Variants in TAF4B observed in about 807,000 individuals in gnomAD.
TAF4B encodes the protein TATA-box binding protein associated factor 4b, also known as transcription initiation factor TFIID subunit 4B.
TAF4B carries 38 observed loss-of-function variants against 86.4 expected under a neutral mutation model. That is an observed-to-expected ratio of 0.44 (90% CI 0.34 to 0.58). The LOEUF is 0.58. Among genes scored for constraint, TAF4B ranks in the 20% least tolerant of loss-of-function variants. The probability of loss-of-function intolerance (pLI) is 0.02; values close to 1 mark genes in which losing one functional copy is unlikely to be tolerated. For missense variants in TAF4B, 988 were observed against 1,027.6 expected, an observed-to-expected ratio of 0.96 and a Z score of 0.53; for synonymous variants, 388 against 391.2, an observed-to-expected ratio of 0.99 and a Z score of 0.10.
intron 14 of TAF4B, among the ~76,000 whole-genome samples, chr18:26,368,431 G>A (rs976492852): frequency 2.0e-5 from 3 of 152,182 alleles, no homozygotes; most frequent in African/African-American, 7.2e-5. Context: ...CTGAAAAGGT[G>A]CATAAGTAAT....
intron 9 of TAF4B, among the ~76,000 whole-genome samples, chr18:26,301,403 C>T (rs2056732362): frequency 1.3e-5 from 2 of 151,988 alleles, no homozygotes; most frequent in Admixed American, 1.3e-4. Flanking sequence ...GCTCCTGCCT[C>T]AGCCTCCCAA....
intron 9 of TAF4B, among the ~76,000 whole-genome samples, chr18:26,310,654 CATTT>C (rs1336412033): frequency 2.6e-5 from 4 of 152,108 alleles, no homozygotes; most frequent in Non-Finnish European, 5.9e-5. Flanking sequence ...TTTAAAAACT[CATTT>C]ATTTGAGTAG....
intron 14 of TAF4B, among the ~76,000 whole-genome samples, chr18:26,376,187 T>C (rs1314151270): frequency 6.6e-6 from 1 of 151,576 alleles, no homozygotes; most frequent in African/African-American, 2.4e-5. Context: ...GTCCTTTATA[T>C]TTTCATGCGT....
At chr18:26,384,039 A>G (rs1405158947) in intron 14 of TAF4B, among the ~76,000 whole-genome samples, 1 of 152,102 alleles carries the variant, frequency 6.6e-6, no homozygotes, top group East Asian at 1.9e-4. Flanking sequence ...GACTTAGAAG[A>G]TGTTCAGTTT....
chr18:26,267,008 A>G (rs144592793), intron 2 of TAF4B: 1 of 152,280 alleles, frequency 6.6e-6, no homozygotes, highest in African/African-American at 2.4e-5. Flanking sequence ...TTTTATAATA[A>G]TCATTCTCTG....
chr18:26,366,752 A>G (rs2057374191), intron 14 of TAF4B, among the ~76,000 whole-genome samples: 1 of 152,104 alleles, frequency 6.6e-6, no homozygotes. Flanking sequence ...AACCATACAA[A>G]CTTGCCATTT....
intron 13 of TAF4B, among the ~76,000 whole-genome samples, chr18:26,353,570 AAAGT>A (rs1227156508): frequency 5.3e-5 from 8 of 152,200 alleles, no homozygotes; most frequent in African/African-American, 1.9e-4. Flanking sequence ...TGTCTCTCTT[AAAGT>A]AAGAAATTTT....
At chr18:26,287,403 C>G (rs1351437414) in intron 7 of TAF4B, among the ~76,000 whole-genome samples, 1 of 152,018 alleles carries the variant, frequency 6.6e-6, no homozygotes, top group Admixed American at 6.5e-5. Flanking sequence ...TTTGTTTTGT[C>G]TGATTGTTGT....
intron 9 of TAF4B, among the ~76,000 whole-genome samples, chr18:26,309,099 G>A (rs2056826976): frequency 6.6e-6 from 1 of 151,520 alleles, no homozygotes; most frequent in Non-Finnish European, 1.5e-5. Context: ...GCAGGAACTT[G>A]TATTTTAAAA....
chr18:26,290,737 T>A (rs1310714267), intron 7 of TAF4B, among the ~76,000 whole-genome samples: 1 of 152,198 alleles, frequency 6.6e-6, no homozygotes, highest in Non-Finnish European at 1.5e-5. Context: ...TTCACACTGG[T>A]AAACAATTTT....
chr18:26,301,802 T>A (rs767678224), intron 9 of TAF4B, among the ~76,000 whole-genome samples: 1 of 152,194 alleles, frequency 6.6e-6, no homozygotes, highest in Non-Finnish European at 1.5e-5. Context: ...AGCCTTGGAC[T>A]TCAACTTCTT....
chr18:26,359,671 T>C (rs1429132022), intron 14 of TAF4B, among the ~76,000 whole-genome samples: 2 of 152,200 alleles, frequency 1.3e-5, no homozygotes, highest in East Asian at 1.9e-4. Context: ...TATACTGTTA[T>C]ATAGCACCGC....
intron 14 of TAF4B, among the ~76,000 whole-genome samples, chr18:26,361,191 C>T (rs1158934293): frequency 1.3e-4 from 20 of 152,012 alleles, no homozygotes; most frequent in South Asian, 2.1e-4. Flanking sequence ...ATTCTATACC[C>T]GGTAAACAAT....
chr18:26,300,334 A>G (rs1473829843), intron 9 of TAF4B, among the ~76,000 whole-genome samples: 3 of 149,038 alleles, frequency 2.0e-5, no homozygotes, highest in Non-Finnish European at 3.0e-5. Flanking sequence ...TATTATTATT[A>G]TTAATGTAAG....
intron 1 of TAF4B, among the ~76,000 whole-genome samples, chr18:26,241,844 C>G (rs1407574411): frequency 6.6e-6 from 1 of 152,172 alleles, no homozygotes; most frequent in Non-Finnish European, 1.5e-5. Context: ...CGTTATGTAT[C>G]CAGTAGTCAT....
At chr18:26,242,570 T>G (rs1298244716) in intron 1 of TAF4B, among the ~76,000 whole-genome samples, 3 of 152,294 alleles carry the variant, frequency 2.0e-5, no homozygotes, top group African/African-American at 7.2e-5. Flanking sequence ...AATTGGAACA[T>G]TTAGCCCATT....
Position 26,258,864 on chromosome 18 carries a change from AT to A in TAF4B, c.344-6289del, listed in dbSNP as rs369237752. ...GCGCCACCACACTGGGCTACTTTTA[AT>A]TTTTTTTTTTTTTTTTAGAGATGGG... On this transcript the variant is annotated intron_variant, in intron 1 of 14. Transcript: ENST00000269142. Among the ~76,000 whole-genome samples the A allele has an allele frequency of 5.4e-3, 729 of 134,476 alleles. 2 individuals carry two copies. The highest frequency in any genetic ancestry group is 5.4e-3 in the African/African-American group (199 of 36,692). The allele number at this position is 134,476 out of a possible 152,430, so 88.2% of individuals were successfully genotyped here.
At chr18:26,287,988 G>C (rs968311501) in intron 7 of TAF4B, among the ~76,000 whole-genome samples, 1 of 152,154 alleles carries the variant, frequency 6.6e-6, no homozygotes, top group East Asian at 1.9e-4. Context: ...TCTTGGGTAC[G>C]TGAATTTAAT....
At chr18:26,361,980 G>T (rs2057336349) in intron 14 of TAF4B, among the ~76,000 whole-genome samples, 1 of 152,058 alleles carries the variant, frequency 6.6e-6, no homozygotes, top group Non-Finnish European at 1.5e-5. Context: ...TGTGGCAAGA[G>T]TAGTTACTTG....
Sources: gnomAD v4.1 joint callset for allele counts (sites outside exome capture counted in the v4.1 genomes callset) on GRCh38, gnomAD v4.1.1 for gene constraint, MANE v1.5 for transcripts, NCBI Gene and HGNC (gene_info 2026-07-23, HGNC 2026-07-21) for gene names.